The following PHF12 variants were observed in gnomAD, a reference collection of about 807,000 sequenced individuals.
PHF12 encodes the protein PHD finger protein 12.
PHF12 carries 6 observed loss-of-function variants against 99.8 expected under a neutral mutation model. The observed-to-expected ratio is 0.06, with a 90% CI of 0.03 to 0.12. The LOEUF (loss-of-function observed/expected upper bound fraction) is 0.12, where lower values mean the gene tolerates loss of function less well. PHF12 is among the 10% of genes least tolerant of loss of function. PHF12 has a pLI of 1.00. For missense variants in PHF12, 954 were observed against 1,300.1 expected, an observed-to-expected ratio of 0.73 and a Z score of 4.09; for synonymous variants, 480 against 514.9, an observed-to-expected ratio of 0.93 and a Z score of 0.92.
In PHF12 at chr17:28,906,905, G is replaced by A; in HGVS notation, c.2631C>T (p.Thr877=). 6.2e-7 allele frequency: 1 copy of A among 1,613,104 alleles called. No individual in the cohort carries two copies. Among genetic ancestry groups the A allele is most frequent in the East Asian group, 2.2e-5 (1 of 44,844 alleles). ...CAATACTGCTTGGGGGGGTTGGCGG[G>A]GTCTTCTCCGAGAAGTCACATGAAT... ...VLYSCDFSEK[T]PPTPPSSIVA... Residue 877 remains threonine (T), a synonymous_variant, in exon 14 of 15, where the codon ACC becomes ACT. Transcript: ENST00000332830. The surrounding 1 kb of genome is among the most constrained non-coding windows in gnomAD (Gnocchi z 4.2).
In PHF12 at chr17:28,924,260, C is replaced by T. The variant is rs778906653; in HGVS notation, c.364G>A (p.Val122Met). 2 of 1,614,130 alleles carry T rather than the reference C, an allele frequency of 1.2e-6. No homozygotes were observed. Among genetic ancestry groups the T allele is most frequent in the African/African-American group, 1.3e-5 (1 of 74,934 alleles). Reference protein sequence around the residue: ...KKELGHVNGLVDKSGKRTTSP... With the variant: ...KKELGHVNGLMDKSGKRTTSP... The stretch of plus-strand genomic sequence containing the variant: ...GTAGTCCGTTTGCCAGATTTGTCCA[C>T]CAGTCCATTGACATGACCCAGCTCC... The change falls in exon 4 of 15, where the codon GTG becomes ATG. Residue 122 changes from valine (V) to methionine (M), a missense_variant. Physicochemically the swap from Val to Met is conservative, Grantham distance 21. Coordinates refer to ENST00000332830, the MANE Select transcript of PHF12 (RefSeq NM_001033561.2).
Position 28,912,891 on chromosome 17 carries a change from C to T in PHF12, c.1680G>A (p.Thr560=), listed in dbSNP as rs377451068. The change falls in exon 9 of 15, where the codon ACG becomes ACA. Residue 560 remains threonine (T), a synonymous_variant. Coordinates refer to ENST00000332830, the MANE Select transcript of PHF12 (RefSeq NM_001033561.2). ...PHLYSSPTDS[T]DPRRLPGANT... ...TAGCGCCTGGAAGTCGCCGGGGGTCCGTGGAATCAGTAGGGCTGCTGTAGA... is the reference window on the plus strand; with the variant it reads ...TAGCGCCTGGAAGTCGCCGGGGGTCTGTGGAATCAGTAGGGCTGCTGTAGA... 3.7e-5 allele frequency: 59 copies of T among 1,613,022 alleles called. No individual in the cohort carries two copies. Among genetic ancestry groups the T allele is most frequent in the Non-Finnish European group, 4.6e-5 (54 of 1,179,236 alleles).
At chr17:28,937,516 G>C (rs1429495667) in intron 2 of PHF12, among the ~76,000 whole-genome samples, 1 of 152,182 alleles carries the variant, frequency 6.6e-6, no homozygotes, top group Non-Finnish European at 1.5e-5. Context: ...CATTACAAAT[G>C]CCCCATTGAG....
chr17:28,928,039 A>G (rs566734997), intron 2 of PHF12, among the ~76,000 whole-genome samples: 1 of 152,284 alleles, frequency 6.6e-6, no homozygotes, highest in East Asian at 1.9e-4. Flanking sequence ...TGAATTTGGG[A>G]GGTGGAGGTT....
chr17:28,926,564 G>C, intron 3 of PHF12: 2 of 338,048 alleles, frequency 5.9e-6, no homozygotes, highest in South Asian at 4.7e-5. Flanking sequence ...GGCAACTTGG[G>C]GTACAAATGC....
At position 28,951,400 on chromosome 17, in the gene PHF12, C is replaced by T. The variant is rs2152681499; in HGVS notation, c.-440G>A. On this transcript the variant is annotated 5_prime_UTR_variant, in exon 1 of 15. Transcript: ENST00000332830. Reference sequence around the variant, plus strand: ...GGGGGAGGGTGATGGGGGGTGGTCCCCGGGCTCCGCCTCTCGCCGCCGCCG... The same window carrying T: ...GGGGGAGGGTGATGGGGGGTGGTCCTCGGGCTCCGCCTCTCGCCGCCGCCG... 2.0e-6 allele frequency: 2 copies of T among 988,024 alleles called. No individual in the cohort carries two copies. The highest frequency in any genetic ancestry group is 1.2e-6 in the Non-Finnish European group (1 of 831,638). The allele number at this position is 988,024 out of a possible 1,614,324, so 61.2% of individuals were successfully genotyped here.
chr17:28,945,530 G>A (rs1219328252), intron 2 of PHF12: 1 of 152,176 alleles, frequency 6.6e-6, no homozygotes. Flanking sequence ...GTCTGCCGAG[G>A]TAGATGCACT....
chr17:28,926,849 T>A, intron 3 of PHF12, 142 bp downstream of exon 3: 1 of 1,547,858 alleles, frequency 6.5e-7, no homozygotes, highest in South Asian at 1.2e-5. Flanking sequence ...ACAGTCACCA[T>A]GGGAAGAGTG....
intron 8 of PHF12, 141 bp from the exon 9 acceptor site, chr17:28,913,418 C>T: frequency 1.4e-6 from 2 of 1,429,316 alleles, no homozygotes; most frequent in South Asian, 1.5e-5. Flanking sequence ...GTGCTTGACT[C>T]CTGATAGAAT....
At chr17:28,933,607 C>G (rs2040454671) in intron 2 of PHF12, among the ~76,000 whole-genome samples, 1 of 152,174 alleles carries the variant, frequency 6.6e-6, no homozygotes, top group South Asian at 2.1e-4. Flanking sequence ...GTGAAATATC[C>G]ATCAGGGTAC....
intron 2 of PHF12, among the ~76,000 whole-genome samples, chr17:28,937,553 C>T (rs759617456): frequency 6.6e-6 from 1 of 152,232 alleles, no homozygotes; most frequent in Non-Finnish European, 1.5e-5. Flanking sequence ...GTCACTTCCA[C>T]AGGCAAACAA....
At chr17:28,939,745 A>T (rs988909274) in intron 2 of PHF12, among the ~76,000 whole-genome samples, 1 of 152,230 alleles carries the variant, frequency 6.6e-6, no homozygotes, top group African/African-American at 2.4e-5. Flanking sequence ...CCCTCTGAGG[A>T]CCATAGCTGA....
At position 28,951,501 on chromosome 17, in the gene PHF12, C is replaced by G. The variant is rs1300491907; in HGVS notation, c.-541G>C. The G allele has an allele frequency of 1.0e-6, 1 of 981,196 alleles. No individual in the cohort carries two copies. Among genetic ancestry groups the G allele is most frequent in the Non-Finnish European group, 1.2e-6 (1 of 828,650 alleles). 60.8% of individuals were successfully genotyped at this position (981,196 alleles called of 1,614,324 possible). On this transcript the variant is annotated 5_prime_UTR_variant, in exon 1 of 15. Coordinates refer to ENST00000332830, the MANE Select transcript of PHF12 (RefSeq NM_001033561.2). ...CCGCAAAGCCACCCGCGCAGGCGCC[C>G]CGGGATCGGCGCTCGCCGCGCGCAA... is the stretch of plus-strand genomic sequence containing the variant.
intron 2 of PHF12, among the ~76,000 whole-genome samples, chr17:28,937,360 C>T (rs977385135): frequency 2.0e-5 from 3 of 152,120 alleles, no homozygotes; most frequent in African/African-American, 7.2e-5. Context: ...GGTCCCTCAA[C>T]CTTAATCCCT....
At chr17:28,945,651 AT>A (rs2040708198) in intron 2 of PHF12, among the ~76,000 whole-genome samples, 1 of 152,192 alleles carries the variant, frequency 6.6e-6, no homozygotes, top group African/African-American at 2.4e-5. Flanking sequence ...GCCCCATGGT[AT>A]TCACTCTGTC....
At chr17:28,913,446 G>C (rs1055912460) in intron 8 of PHF12, among the ~76,000 whole-genome samples, 169 bp from the exon 9 acceptor site, 2 of 152,162 alleles carry the variant, frequency 1.3e-5, no homozygotes, top group African/African-American at 4.8e-5. Flanking sequence ...CCATTCCCAA[G>C]CAAGACTTAT....
In PHF12 at chr17:28,951,160, G is replaced by A. The variant is rs1333596545; in HGVS notation, c.-200C>T. The A allele has an allele frequency of 2.1e-6, 3 of 1,427,962 alleles. No homozygotes were observed. The highest frequency in any genetic ancestry group is 1.5e-5 in the South Asian group (1 of 67,650). The allele number at this position is 1,427,962 out of a possible 1,614,324, so 88.5% of individuals were successfully genotyped here. On this transcript the variant is annotated 5_prime_UTR_variant, in exon 1 of 15. Coordinates refer to ENST00000332830, the MANE Select transcript of PHF12 (RefSeq NM_001033561.2). ...AGCGTCCTCCCGACGGGCCGCGAGG[G>A]GGGAGCGGCCCCTCAGTCCCGGCCC...
intron 2 of PHF12, among the ~76,000 whole-genome samples, chr17:28,936,578 C>T (rs1034930046): frequency 6.6e-6 from 1 of 152,136 alleles, no homozygotes; most frequent in African/African-American, 2.4e-5. Context: ...CTTGTCAGAA[C>T]CCGTAATTCT....
intron 12 of PHF12, chr17:28,908,161 T>A (rs1225690214): frequency 6.2e-6 from 1 of 161,948 alleles, no homozygotes; most frequent in African/African-American, 2.4e-5. Flanking sequence ...TATCACTCTT[T>A]CAAAGACCAC....
Sources: gnomAD v4.1 joint callset for allele counts (sites outside exome capture counted in the v4.1 genomes callset) on GRCh38, gnomAD v4.1.1 for gene constraint, Gnocchi (gnomAD v3.1) non-coding constraint, MANE v1.5 for transcripts, NCBI Gene and HGNC (gene_info 2026-07-23, HGNC 2026-07-21) for gene names.